The following SPMIP2 variants were observed in gnomAD, a reference collection of about 807,000 sequenced individuals.
The protein encoded by SPMIP2 is protein SPMIP2.
chr4:158,959,759 T>G, the SPMIP2 span, among the ~76,000 whole-genome samples: 1 of 152,174 alleles, frequency 6.6e-6, no homozygotes, highest in African/African-American at 2.4e-5. Context: ...TTTGCTTGTT[T>G]CCTGTAATTT....
At chr4:159,044,620 GT>G in the SPMIP2 span, among the ~76,000 whole-genome samples, 2 of 152,170 alleles carry the variant, frequency 1.3e-5, no homozygotes, top group African/African-American at 4.8e-5. Flanking sequence ...AAAAATGGGG[GT>G]AGGTGGAGAG....
the SPMIP2 span, among the ~76,000 whole-genome samples, chr4:158,913,475 G>T: frequency 6.6e-6 from 1 of 152,114 alleles, no homozygotes; most frequent in African/African-American, 2.4e-5. Flanking sequence ...TCCCACCTCA[G>T]CCTCCCAAAG....
chr4:158,898,362 C>G, the SPMIP2 span, among the ~76,000 whole-genome samples: 1 of 152,006 alleles, frequency 6.6e-6, no homozygotes, highest in Admixed American at 6.6e-5. Flanking sequence ...TAGTTTTTTC[C>G]AGTTCTGTGA....
chr4:158,946,077 C>G, the SPMIP2 span, among the ~76,000 whole-genome samples: 9 of 152,106 alleles, frequency 5.9e-5, no homozygotes, highest in Non-Finnish European at 1.5e-5. Flanking sequence ...ATTGATAGTG[C>G]CTCTTTCTCA....
At chr4:158,893,587 A>G in the SPMIP2 span, 2 of 872,866 alleles carry the variant, frequency 2.3e-6, no homozygotes, top group Non-Finnish European at 3.6e-6. Flanking sequence ...CTTGCAAGAC[A>G]TCTGTCCTGG....
the SPMIP2 span, among the ~76,000 whole-genome samples, chr4:158,949,313 T>C: frequency 6.6e-6 from 1 of 152,244 alleles, no homozygotes; most frequent in African/African-American, 2.4e-5. Context: ...CTTTCAAAAG[T>C]GTCCTGTCTT....
chr4:159,079,885 A>G, the SPMIP2 span, among the ~76,000 whole-genome samples: 1 of 152,220 alleles, frequency 6.6e-6, no homozygotes, highest in Admixed American at 6.5e-5. Flanking sequence ...AGCTGAAAAA[A>G]AAGTAAAAAT....
the SPMIP2 span, among the ~76,000 whole-genome samples, chr4:158,957,427 C>T: frequency 1.3e-5 from 2 of 151,838 alleles, no homozygotes; most frequent in South Asian, 4.2e-4. Flanking sequence ...CTTGTACTCA[C>T]CTACCTTTTT....
At chr4:158,978,922 C>G in the SPMIP2 span, among the ~76,000 whole-genome samples, 1 of 152,156 alleles carries the variant, frequency 6.6e-6, no homozygotes, top group Non-Finnish European at 1.5e-5. Context: ...TTGCTCTCTT[C>G]AGAGCCAACA....
the SPMIP2 span, among the ~76,000 whole-genome samples, chr4:158,984,340 C>T: frequency 2.0e-5 from 3 of 146,570 alleles, no homozygotes; most frequent in Non-Finnish European, 4.5e-5. Context: ...TTTTTTTCAG[C>T]ACCACACCTC....
the SPMIP2 span, among the ~76,000 whole-genome samples, chr4:159,037,813 C>T: frequency 7.1e-6 from 1 of 141,126 alleles, no homozygotes; most frequent in Non-Finnish European, 1.5e-5. Context: ...CACACACACA[C>T]ACACACACAC....
At chr4:159,056,684 A>G in the SPMIP2 span, among the ~76,000 whole-genome samples, 3 of 151,914 alleles carry the variant, frequency 2.0e-5, no homozygotes, top group Non-Finnish European at 4.4e-5. Flanking sequence ...AAGGCTTCCT[A>G]TGTAGATCTT....
At chr4:158,904,120 T>C in the SPMIP2 span, among the ~76,000 whole-genome samples, 1 of 152,186 alleles carries the variant, frequency 6.6e-6, no homozygotes, top group Admixed American at 6.5e-5. Flanking sequence ...GAGTTTATAA[T>C]GGAGAATACC....
the SPMIP2 span, among the ~76,000 whole-genome samples, chr4:158,916,843 C>T: frequency 1.3e-5 from 2 of 152,190 alleles, no homozygotes; most frequent in African/African-American, 4.8e-5. Context: ...AGGGTTTCAC[C>T]ATGTCGACCA....
chr4:158,968,881 A>G, the SPMIP2 span, among the ~76,000 whole-genome samples: 2 of 152,212 alleles, frequency 1.3e-5, no homozygotes. Context: ...ACCGTCACAA[A>G]GAAGCTCTAT....
the SPMIP2 span, among the ~76,000 whole-genome samples, chr4:158,902,756 T>C: frequency 6.6e-6 from 1 of 152,224 alleles, no homozygotes; most frequent in East Asian, 1.9e-4. Context: ...TCCGCCCAGT[T>C]TGAACTTCCA....
chr4:158,925,104 G>A, the SPMIP2 span, among the ~76,000 whole-genome samples: 1 of 152,284 alleles, frequency 6.6e-6, no homozygotes, highest in African/African-American at 2.4e-5. Flanking sequence ...AACAGTTTGT[G>A]AAGAATTTCT....
At chr4:159,057,484 T>C in the SPMIP2 span, among the ~76,000 whole-genome samples, 1 of 152,188 alleles carries the variant, frequency 6.6e-6, no homozygotes, top group African/African-American at 2.4e-5. Flanking sequence ...CACTGAAACA[T>C]ACAGTGCTAG....
chr4:158,978,264 T>C, the SPMIP2 span, among the ~76,000 whole-genome samples: 1 of 152,226 alleles, frequency 6.6e-6, no homozygotes, highest in Non-Finnish European at 1.5e-5. Flanking sequence ...TCTAAGCTGA[T>C]TGCACTGTGG....
Sources: allele counts gnomAD v4.1 joint callset (sites outside exome capture counted in the v4.1 genomes callset), GRCh38; gene constraint gnomAD v4.1.1; transcripts MANE v1.5; gene names NCBI Gene and HGNC (gene_info 2026-07-23, HGNC 2026-07-21).